ENOX1: variants seen among roughly 807,000 people sequenced by gnomAD.
The protein encoded by ENOX1 is candidate growth-related and time keeping constitutive hydroquinone (NADH) oxidase.
ENOX1 carries 42 observed loss-of-function variants against 82.5 expected under a neutral mutation model. That is an observed-to-expected ratio of 0.51 (90% confidence interval 0.40 to 0.66). The LOEUF (loss-of-function observed/expected upper bound fraction) is 0.66. ENOX1 is among the 30% of genes least tolerant of loss of function. The pLI is 0.00. For missense variants in ENOX1, 608 were observed against 811.6 expected (o/e 0.75, Z 3.05); for synonymous variants, 271 against 282.2 (o/e 0.96, Z 0.40).
At chr13:43,292,887 C>T (rs2046081646) in intron 12 of ENOX1, among the ~76,000 whole-genome samples, 1 of 152,034 alleles carries the variant, frequency 6.6e-6, no homozygotes, top group Non-Finnish European at 1.5e-5. Flanking sequence ...TCACAGCCAC[C>T]TTTAACACCA....
intron 1 of ENOX1, among the ~76,000 whole-genome samples, chr13:43,680,847 GA>G (rs896604951): frequency 2.6e-5 from 4 of 152,094 alleles, no homozygotes; most frequent in African/African-American, 9.7e-5. Context: ...AAACAATCTG[GA>G]AAATTATTTT....
chr13:43,613,538 A>G (rs570280422), intron 2 of ENOX1, among the ~76,000 whole-genome samples: 1 of 152,328 alleles, frequency 6.6e-6, no homozygotes, highest in East Asian at 1.9e-4. Context: ...TTGACAAACC[A>G]TTAGCTAGAT....
At chr13:43,647,342 ATT>A (rs769755553) in intron 2 of ENOX1, among the ~76,000 whole-genome samples, 1 of 152,162 alleles carries the variant, frequency 6.6e-6, no homozygotes, top group Non-Finnish European at 1.5e-5. Flanking sequence ...TGACACCACC[ATT>A]GCTACCACTA....
At chr13:43,648,231 T>C (rs1434769955) in intron 2 of ENOX1, among the ~76,000 whole-genome samples, 2 of 152,216 alleles carry the variant, frequency 1.3e-5, no homozygotes, top group Non-Finnish European at 1.5e-5. Context: ...CAGGAAAGCA[T>C]GTATTTACTC....
chr13:43,515,837 T>A (rs921095707), intron 2 of ENOX1, among the ~76,000 whole-genome samples: 1 of 152,160 alleles, frequency 6.6e-6, no homozygotes, highest in Non-Finnish European at 1.5e-5. Context: ...TCCAATGCCT[T>A]CACAGCTGTT....
intron 2 of ENOX1, among the ~76,000 whole-genome samples, chr13:43,619,328 A>G (rs2082623094): frequency 6.6e-6 from 1 of 151,650 alleles, no homozygotes. Flanking sequence ...ATCTTGTCAG[A>G]TTCTCAGAGA....
In ENOX1 at chr13:43,613,942, T is replaced by A. The variant is rs530393111; in HGVS notation, c.-219+53537A>T. ...AAATAAGACTCTCTCAAAAAAAAAA[T>A]AAATAAATAAATAAAGGAGGTATAT... On this transcript the variant is annotated intron_variant, in intron 2 of 16. Coordinates refer to ENST00000690772, the MANE Select transcript of ENOX1 (RefSeq NM_001347969.2). Among the ~76,000 whole-genome samples the A allele has an allele frequency of 6.6e-3, 1,003 of 151,660 alleles. 8 individuals are homozygous for A. Among genetic ancestry groups the A allele is most frequent in the African/African-American group, 0.023 (956 of 41,332 alleles).
At chr13:43,470,125 T>C (rs1231565032) in intron 3 of ENOX1, among the ~76,000 whole-genome samples, 1 of 150,502 alleles carries the variant, frequency 6.6e-6, no homozygotes, top group African/African-American at 2.4e-5. Context: ...TAATTTAATA[T>C]GGATAATAAA....
At chr13:43,525,207 C>T (rs757145152) in intron 2 of ENOX1, among the ~76,000 whole-genome samples, 3 of 152,096 alleles carry the variant, frequency 2.0e-5, no homozygotes, top group Admixed American at 6.6e-5. Context: ...CATCCATCCA[C>T]GGAACTCTCT....
chr13:43,573,238 C>A (rs2080262648), intron 2 of ENOX1, among the ~76,000 whole-genome samples: 1 of 152,162 alleles, frequency 6.6e-6, no homozygotes, highest in African/African-American at 2.4e-5. Flanking sequence ...ATTCATTTTT[C>A]TTATCTCAGT....
At chr13:43,279,432 A>C (rs1305204103) in intron 12 of ENOX1, among the ~76,000 whole-genome samples, 1 of 152,162 alleles carries the variant, frequency 6.6e-6, no homozygotes, top group African/African-American at 2.4e-5. Flanking sequence ...ATTATTGATC[A>C]TTCACAAAGC....
chr13:43,782,142 G>GT (rs1411643519), intron 1 of ENOX1, among the ~76,000 whole-genome samples: 2 of 152,164 alleles, frequency 1.3e-5, no homozygotes, highest in South Asian at 2.1e-4. Context: ...AGAAAAAAAT[G>GT]TAAGTATTGT....
chr13:43,345,025 A>T (rs1924635), intron 8 of ENOX1, among the ~76,000 whole-genome samples: 1 of 151,996 alleles, frequency 6.6e-6, no homozygotes, highest in Non-Finnish European at 1.5e-5. Flanking sequence ...CATTCTTAGG[A>T]ATAAGGTACA....
chr13:43,644,005 T>C (rs2083780733), intron 2 of ENOX1, among the ~76,000 whole-genome samples: 1 of 152,192 alleles, frequency 6.6e-6, no homozygotes, highest in Admixed American at 6.5e-5. Context: ...AAATCTCTCC[T>C]ACTTTTCACT....
intron 4 of ENOX1, among the ~76,000 whole-genome samples, chr13:43,412,635 G>A (rs2296041): frequency 0.77 from 117,207 of 152,014 alleles, 47,979 homozygotes; most frequent in South Asian, 0.95. Flanking sequence ...TTTAAAAACA[G>A]GTAGCACAAA....
At chr13:43,672,285 CTT>C (rs2085304343) in intron 1 of ENOX1, among the ~76,000 whole-genome samples, 1 of 152,148 alleles carries the variant, frequency 6.6e-6, no homozygotes, top group Non-Finnish European at 1.5e-5. Flanking sequence ...TTTGTAAAAA[CTT>C]TAGTTAAGTA....
At chr13:43,240,279 G>C (rs1358459961) in intron 14 of ENOX1, among the ~76,000 whole-genome samples, 1 of 152,122 alleles carries the variant, frequency 6.6e-6, no homozygotes, top group Non-Finnish European at 1.5e-5. Context: ...CATTCAAACT[G>C]ATCAGAAGTG....
At chr13:43,579,283 T>C (rs2080592475) in intron 2 of ENOX1, among the ~76,000 whole-genome samples, 1 of 152,180 alleles carries the variant, frequency 6.6e-6, no homozygotes, top group Non-Finnish European at 1.5e-5. Context: ...GAGTAAGTTA[T>C]CTGTACCCAG....
chr13:43,499,710 A>G (rs2076915165), intron 2 of ENOX1, among the ~76,000 whole-genome samples: 1 of 152,116 alleles, frequency 6.6e-6, no homozygotes, highest in Admixed American at 6.6e-5. Context: ...ACAAAGAATC[A>G]GGAAAATGAC....
Sources: gnomAD v4.1 joint callset for allele counts (sites outside exome capture counted in the v4.1 genomes callset) on GRCh38, gnomAD v4.1.1 for gene constraint, MANE v1.5 for transcripts, NCBI Gene and HGNC (gene_info 2026-07-23, HGNC 2026-07-21) for gene names.